Variants in FGD5 observed in about 807,000 individuals in gnomAD.
FGD5 encodes FYVE, RhoGEF and PH domain containing 5.
In FGD5, 28 loss-of-function variants were observed where a neutral mutation model predicts 133.4. That is an observed-to-expected ratio of 0.21 (90% CI 0.16 to 0.29). The LOEUF is 0.29. FGD5 is among the 10% of genes least tolerant of loss of function. The pLI, the probability that FGD5 is intolerant of heterozygous loss-of-function variation, is 1.00. For missense variants in FGD5, 1,858 were observed against 1,895.2 expected (o/e 0.98, Z 0.36); for synonymous variants, 810 against 776.5 (o/e 1.04, Z -0.72).
intron 10 of FGD5, among the ~76,000 whole-genome samples, chr3:14,908,412 A>G (rs1485030304): frequency 6.6e-6 from 1 of 151,854 alleles, no homozygotes; most frequent in Non-Finnish European, 1.5e-5. Context: ...TTCTGAATGG[A>G]CTCCTCGTGG....
At chr3:14,898,934 GT>G in intron 7 of FGD5, 108 bp downstream of exon 7, 1 of 999,220 alleles carries the variant, frequency 1.0e-6, no homozygotes. Context: ...TGTCAGGCAG[GT>G]GTTGGGGAAG....
intron 17 of FGD5, 89 bp from the exon 18 acceptor site, chr3:14,925,981 A>C (rs558410234): frequency 1.3e-6 from 2 of 1,545,298 alleles, no homozygotes; most frequent in East Asian, 4.6e-5. Flanking sequence ...AGTCAGCCAA[A>C]TGGTTTGCAG....
chr3:14,819,122 C>T lies in FGD5; in HGVS notation c.51C>T (p.Ala17=). Reference sequence around the variant, plus strand: ...TTGCCCCCAAGCCCAGGCTGACTGCCCCAAACGAGTGGAGAGCCAGTGTGT... The same window carrying T: ...TTGCCCCCAAGCCCAGGCTGACTGCTCCAAACGAGTGGAGAGCCAGTGTGT... ...PPIAPKPRLT[A]PNEWRASVYL... The change falls in exon 1 of 20, where the codon GCC becomes GCT. Residue 17 remains alanine (A), a synonymous_variant. Coordinates refer to ENST00000285046, the MANE Select transcript of FGD5 (RefSeq NM_152536.4). The surrounding 1 kb of genome is among the most constrained non-coding windows in gnomAD (Gnocchi z 4.1). 6.4e-7 allele frequency: 1 copy of T among 1,550,834 alleles called. No homozygotes were observed. The highest frequency in any genetic ancestry group is 8.7e-7 in the Non-Finnish European group (1 of 1,147,026).
intron 4 of FGD5, among the ~76,000 whole-genome samples, chr3:14,885,826 G>C (rs925027894): frequency 3.9e-5 from 6 of 152,190 alleles, no homozygotes; most frequent in Non-Finnish European, 8.8e-5. Flanking sequence ...AATGGGAGGG[G>C]ACATAGTCTC....
Position 14,879,584 on chromosome 3 carries a change from C to CA in FGD5, c.2659-988_2659-987insA, listed in dbSNP as rs539106422. Among the ~76,000 whole-genome samples the CA allele has an allele frequency of 3.3e-5, 5 of 152,346 alleles. No individual in the cohort carries two copies. The East Asian group carries it at 9.6e-4, about 29-fold the overall frequency. On this transcript the variant is annotated intron_variant, in intron 2 of 19. Coordinates refer to ENST00000285046, the MANE Select transcript of FGD5 (RefSeq NM_152536.4). ...ATGTGCGCTCGCTCACTCACTCACT[C>CA]CTCACTCACTCTTTCAGTCAACAAA...
chr3:14,923,716 C>T (rs565996534), intron 16 of FGD5, among the ~76,000 whole-genome samples: 1 of 152,276 alleles, frequency 6.6e-6, no homozygotes, highest in South Asian at 2.1e-4. Flanking sequence ...CTTTCCCTGG[C>T]CTCCACTCCA....
intron 1 of FGD5, among the ~76,000 whole-genome samples, chr3:14,860,769 T>C (rs759452855): frequency 5.9e-5 from 9 of 151,362 alleles, no homozygotes; most frequent in Non-Finnish European, 1.0e-4. Flanking sequence ...AACCCAGGAG[T>C]TAGAGTCCAG....
At chr3:14,856,481 A>G (rs564986780) in intron 1 of FGD5, among the ~76,000 whole-genome samples, 4 of 152,276 alleles carry the variant, frequency 2.6e-5, no homozygotes, top group Admixed American at 2.6e-4. Context: ...TCATTTTTAC[A>G]ATAGTAATTC....
chr3:14,925,328 A>G (rs995549465), intron 17 of FGD5, among the ~76,000 whole-genome samples: 1 of 152,198 alleles, frequency 6.6e-6, no homozygotes, highest in Admixed American at 6.5e-5. Context: ...ACAACATATT[A>G]TACAGAATCT....
chr3:14,889,754 G>A (rs947312935), intron 4 of FGD5, among the ~76,000 whole-genome samples: 1 of 152,138 alleles, frequency 6.6e-6, no homozygotes, highest in South Asian at 2.1e-4. Flanking sequence ...TTGTGTAGTG[G>A]TGTCTCCCTG....
At chr3:14,849,864 C>G (rs2037124676) in intron 1 of FGD5, among the ~76,000 whole-genome samples, 1 of 152,064 alleles carries the variant, frequency 6.6e-6, no homozygotes, top group Non-Finnish European at 1.5e-5. Context: ...AAAAAAAATG[C>G]TGGCTTCTGT....
intron 1 of FGD5, among the ~76,000 whole-genome samples, chr3:14,835,719 T>G (rs2036805065): frequency 6.6e-6 from 1 of 152,190 alleles, no homozygotes; most frequent in Non-Finnish European, 1.5e-5. Context: ...ATTCAGGCAG[T>G]TATTTTCCTT....
Position 14,883,948 on chromosome 3 carries a change from A to G in FGD5, c.2748+3176A>G, listed in dbSNP as rs56004215. On this transcript the variant is annotated intron_variant, in intron 4 of 19. Transcript: ENST00000285046. ...GGGCGTGTAAGGTAAGGGAGTCAGC[A>G]TGAGCAAATGCTCACAGGCTCATGG... Among the ~76,000 whole-genome samples the G allele has an allele frequency of 3.9e-3, 598 of 152,376 alleles. 2 individuals carry two copies. Among genetic ancestry groups the G allele is most frequent in the Non-Finnish European group, 6.2e-3 (424 of 68,038 alleles).
chr3:14,906,639 G>A (rs115102010), intron 9 of FGD5, among the ~76,000 whole-genome samples: 276 of 152,356 alleles, frequency 1.8e-3, no homozygotes, highest in Non-Finnish European at 3.4e-3. Flanking sequence ...CGCGTCTGCA[G>A]CTCCCCATTA....
chr3:14,853,617 C>T (rs189720260), intron 1 of FGD5, among the ~76,000 whole-genome samples: 275 of 136,932 alleles, frequency 2.0e-3, no homozygotes, highest in Non-Finnish European at 3.2e-3. Context: ...CTGAGAGATT[C>T]CCAGGGGGAA....
chr3:14,842,942 G>T (rs980784655), intron 1 of FGD5, among the ~76,000 whole-genome samples: 2 of 152,102 alleles, frequency 1.3e-5, no homozygotes, highest in South Asian at 4.2e-4. Flanking sequence ...ATAGATTGCT[G>T]CAATGAGACC....
intron 1 of FGD5, among the ~76,000 whole-genome samples, chr3:14,862,422 T>G (rs1460323063): frequency 2.0e-5 from 3 of 152,086 alleles, no homozygotes; most frequent in Non-Finnish European, 4.4e-5. Context: ...GCCGAACAGG[T>G]GAGTTGTCCC....
At chr3:14,825,778 T>C (rs2036588078) in intron 1 of FGD5, among the ~76,000 whole-genome samples, 1 of 152,158 alleles carries the variant, frequency 6.6e-6, no homozygotes. Flanking sequence ...CTGTCTTATG[T>C]CCTAAGTCAC....
At chr3:14,868,470 C>T (rs531751182) in intron 2 of FGD5, among the ~76,000 whole-genome samples, 41 of 152,360 alleles carry the variant, frequency 2.7e-4, no homozygotes, top group African/African-American at 8.7e-4. Flanking sequence ...CTTGACCATC[C>T]GCCCCCAATT....
Sources: gnomAD v4.1 joint callset for allele counts (sites outside exome capture counted in the v4.1 genomes callset) on GRCh38, gnomAD v4.1.1 for gene constraint, Gnocchi (gnomAD v3.1) non-coding constraint, MANE v1.5 for transcripts, NCBI Gene and HGNC (gene_info 2026-07-23, HGNC 2026-07-21) for gene names.